Variants in ARHGAP10 observed in about 807,000 individuals in gnomAD.
ARHGAP10 encodes rho GTPase-activating protein 10.
A neutral mutation model predicts 108.6 loss-of-function variants in ARHGAP10; 87 were observed. That is an observed-to-expected ratio of 0.80 (90% confidence interval 0.67 to 0.96). The LOEUF (loss-of-function observed/expected upper bound fraction) is 0.96, where lower values mean the gene tolerates loss of function less well. ARHGAP10 is among the 40% of genes least tolerant of loss of function. The pLI, the probability that ARHGAP10 is intolerant of heterozygous loss-of-function variation, is 0.00. For missense variants in ARHGAP10, 939 were observed against 954.5 expected (o/e 0.98, Z 0.21); for synonymous variants, 347 against 341.1 (o/e 1.02, Z -0.19).
At chr4:147,818,355 C>A (rs755335990) in intron 1 of ARHGAP10, among the ~76,000 whole-genome samples, 1 of 151,768 alleles carries the variant, frequency 6.6e-6, no homozygotes, top group Non-Finnish European at 1.5e-5. Context: ...CACCTGAGGT[C>A]GGGAGTTCAA....
chr4:147,757,097 T>C (rs934352930), intron 1 of ARHGAP10, among the ~76,000 whole-genome samples: 1 of 151,340 alleles, frequency 6.6e-6, no homozygotes. Context: ...CGGAAAAATA[T>C]AAATCAAAGA....
chr4:147,827,258 T>G (rs1425729224), intron 3 of ARHGAP10, among the ~76,000 whole-genome samples: 2 of 152,114 alleles, frequency 1.3e-5, no homozygotes, highest in Non-Finnish European at 2.9e-5. Flanking sequence ...AAAACATAAC[T>G]GATGCATTGC....
chr4:147,779,958 G>T (rs970932291), intron 1 of ARHGAP10, among the ~76,000 whole-genome samples: 1 of 152,038 alleles, frequency 6.6e-6, no homozygotes, highest in African/African-American at 2.4e-5. Flanking sequence ...AGTATGAGTG[G>T]GACAATGTCA....
rs189418434 is a variant in ARHGAP10 at position 147,746,195 on chromosome 4, C to T, written c.154+13740C>T. Among the ~76,000 whole-genome samples the T allele has an allele frequency of 1.3e-3, 195 of 152,036 alleles. 3 individuals carry two copies. The East Asian group carries it at 0.028, about 22-fold the overall frequency. On this transcript the variant is annotated intron_variant, in intron 1 of 22. Coordinates refer to ENST00000336498, the MANE Select transcript of ARHGAP10 (RefSeq NM_024605.4). ...CTTGGCTCACTGCATCCTCTGCCTC[C>T]GGGGTTAAAGCGATTCTTCTGCCTC...
Position 148,064,487 on chromosome 4 carries a change from T to C in ARHGAP10, c.2252T>C (p.Ile751Thr), listed in dbSNP as rs771601115. 5 of 1,614,074 alleles carry C rather than the reference T, an allele frequency of 3.1e-6. No individual in the cohort carries two copies. Among genetic ancestry groups the C allele is most frequent in the South Asian group, 1.1e-5 (1 of 91,080 alleles). ...CACAGCTCGGAATTATCTTTTGAAA[T>C]AGGAGCAATTTTTGAGGATGGTAAG... ...AEHSSELSFEIGAIFEDVQTS... is the reference protein window; with the variant it reads ...AEHSSELSFETGAIFEDVQTS... Residue 751 changes from isoleucine to threonine, a missense_variant, in exon 22 of 23, where the codon ATA becomes ACA. Physicochemically the swap from Ile to Thr is moderately conservative, Grantham distance 89. Coordinates refer to ENST00000336498, the MANE Select transcript of ARHGAP10 (RefSeq NM_024605.4).
chr4:148,023,454 G>A, intron 19 of ARHGAP10, 41 bp downstream of exon 19: 1 of 1,593,674 alleles, frequency 6.3e-7, no homozygotes, highest in Non-Finnish European at 8.6e-7. Flanking sequence ...AGCATGTTGA[G>A]AGTATGGCGT....
intron 18 of ARHGAP10, among the ~76,000 whole-genome samples, chr4:147,974,821 C>T (rs141144749): frequency 1.6e-3 from 246 of 152,182 alleles, no homozygotes; most frequent in African/African-American, 5.5e-3. Flanking sequence ...ACAATCATGG[C>T]GGAAGGGGAA....
intron 10 of ARHGAP10, among the ~76,000 whole-genome samples, chr4:147,896,291 G>T (rs1389327739): frequency 6.6e-6 from 1 of 152,124 alleles, no homozygotes; most frequent in Non-Finnish European, 1.5e-5. Flanking sequence ...TTGGTATTAA[G>T]TGTTTGAGGT....
chr4:148,029,726 G>A (rs1174500525), intron 19 of ARHGAP10, among the ~76,000 whole-genome samples: 2 of 152,108 alleles, frequency 1.3e-5, no homozygotes, highest in Non-Finnish European at 2.9e-5. Context: ...AAGCCCAGAA[G>A]CCCTTTGCCA....
chr4:147,900,308 A>G (rs575741933), intron 10 of ARHGAP10, among the ~76,000 whole-genome samples: 1 of 152,254 alleles, frequency 6.6e-6, no homozygotes, highest in East Asian at 1.9e-4. Context: ...CTGATTTATG[A>G]ATTTAAGAAT....
At chr4:147,818,151 T>C (rs939483205) in intron 1 of ARHGAP10, among the ~76,000 whole-genome samples, 1 of 151,470 alleles carries the variant, frequency 6.6e-6, no homozygotes, top group Non-Finnish European at 1.5e-5. Context: ...TATTTTTTTT[T>C]CTTCTTCTTT....
At chr4:147,938,741 T>G (rs1363756118) in intron 13 of ARHGAP10, among the ~76,000 whole-genome samples, 2 of 152,196 alleles carry the variant, frequency 1.3e-5, no homozygotes, top group African/African-American at 4.8e-5. Context: ...TTTGGAAACT[T>G]TGGGGATTAG....
At chr4:148,071,261 A>C (rs1161850094) in intron 22 of ARHGAP10, among the ~76,000 whole-genome samples, 5 of 152,186 alleles carry the variant, frequency 3.3e-5, no homozygotes, top group Non-Finnish European at 7.3e-5. Flanking sequence ...GAGTGTGAAG[A>C]GCTCCTGGAG....
chr4:148,021,039 A>C (rs1190671519), intron 18 of ARHGAP10, among the ~76,000 whole-genome samples: 1 of 152,212 alleles, frequency 6.6e-6, no homozygotes, highest in East Asian at 1.9e-4. Context: ...AGGAGCTTTA[A>C]GATGTAAACC....
At chr4:147,932,548 C>G (rs954349375) in intron 13 of ARHGAP10, among the ~76,000 whole-genome samples, 8 of 149,320 alleles carry the variant, frequency 5.4e-5, no homozygotes, top group Non-Finnish European at 7.4e-5. Context: ...CAAAGTAATG[C>G]AGAAACAGAA....
At chr4:148,056,257 CTG>C (rs1440851777) in intron 20 of ARHGAP10, among the ~76,000 whole-genome samples, 1 of 152,200 alleles carries the variant, frequency 6.6e-6, no homozygotes, top group Non-Finnish European at 1.5e-5. Flanking sequence ...CAGTTAACCA[CTG>C]TGGTGGTAGA....
intron 13 of ARHGAP10, among the ~76,000 whole-genome samples, chr4:147,932,745 C>G (rs974003601): frequency 6.6e-6 from 1 of 152,132 alleles, no homozygotes; most frequent in Non-Finnish European, 1.5e-5. Flanking sequence ...CAGCAAACCA[C>G]TATGGCACAC....
At position 147,794,035 on chromosome 4, in the gene ARHGAP10, G is replaced by C. The variant is rs937010713; in HGVS notation, c.155-28692G>C. Among the ~76,000 whole-genome samples, 3 of 152,208 alleles carry C rather than the reference G, an allele frequency of 2.0e-5. No homozygotes were observed. The South Asian group carries it at 6.2e-4, about 31-fold the overall frequency. On this transcript the variant is annotated intron_variant, in intron 1 of 22. Transcript: ENST00000336498. ...GACTGCAGTGATTGAGTAGCCTGCT[G>C]TTGTGTGTGTTGTGAAGGATACAAA...
Position 147,898,348 on chromosome 4 carries a change from C to T in ARHGAP10, c.1035-8290C>T, listed in dbSNP as rs943549586. On this transcript the variant is annotated intron_variant, in intron 10 of 22. Coordinates refer to ENST00000336498, the MANE Select transcript of ARHGAP10 (RefSeq NM_024605.4). ...AGTCATTTCATTGTCTTCAGGCTTC[C>T]GTTTATTTTCTGATGATAAGTCATC... is the stretch of plus-strand genomic sequence containing the variant. 3.9e-5 allele frequency among the ~76,000 whole-genome samples: 6 copies of T among 151,994 alleles called. No homozygotes were observed. The East Asian group carries it at 5.8e-4, about 15-fold the overall frequency.
Sources: gnomAD v4.1 joint callset for allele counts (sites outside exome capture counted in the v4.1 genomes callset) on GRCh38, gnomAD v4.1.1 for gene constraint, MANE v1.5 for transcripts, NCBI Gene and HGNC (gene_info 2026-07-23, HGNC 2026-07-21) for gene names.